Variants in CRISP1 observed in about 807,000 individuals in gnomAD.
The protein encoded by CRISP1 is cysteine-rich secretory protein 1.
CRISP1 carries 44 observed loss-of-function variants against 33.1 expected under a neutral mutation model. The observed-to-expected ratio is 1.33, with a 90% confidence interval of 1.05 to 1.71. CRISP1 has a LOEUF of 1.71. Among genes scored for constraint, CRISP1 ranks in the 40% most tolerant of loss-of-function variants. The pLI is 0.00. For missense variants in CRISP1, 390 were observed against 301.2 expected (o/e 1.29, Z -2.18); for synonymous variants, 103 against 98.7 (o/e 1.04, Z -0.26).
chr6:49,844,879 T>C (rs1472340234), intron 5 of CRISP1, among the ~76,000 whole-genome samples: 5 of 152,132 alleles, frequency 3.3e-5, no homozygotes, highest in Non-Finnish European at 2.9e-5. Flanking sequence ...TGGCGAGAAA[T>C]TTTACCTCTG....
intron 5 of CRISP1, among the ~76,000 whole-genome samples, chr6:49,843,695 A>G (rs2127470867): frequency 1.3e-5 from 2 of 152,326 alleles, no homozygotes; most frequent in East Asian, 3.9e-4. Flanking sequence ...ACAAATACCT[A>G]AAAATGTGGA....
chr6:49,845,477 T>C (rs746560135), intron 5 of CRISP1, among the ~76,000 whole-genome samples: 4 of 152,222 alleles, frequency 2.6e-5, no homozygotes, highest in Admixed American at 2.6e-4. Flanking sequence ...AGCAGATTAA[T>C]AGAGCAAAGA....
chr6:49,855,562 T>G (rs1480911923), intron 2 of CRISP1, among the ~76,000 whole-genome samples: 1 of 152,122 alleles, frequency 6.6e-6, no homozygotes, highest in Non-Finnish European at 1.5e-5. Flanking sequence ...TTCTTCAGAT[T>G]GCAGGTATAC....
intron 5 of CRISP1, among the ~76,000 whole-genome samples, chr6:49,845,640 A>C (rs558300881): frequency 6.6e-6 from 1 of 152,250 alleles, no homozygotes; most frequent in East Asian, 1.9e-4. Flanking sequence ...TGCCCAAAAC[A>C]ATTGAAAGCA....
At chr6:49,842,449 CTT>C (rs991105556) in intron 5 of CRISP1, among the ~76,000 whole-genome samples, 46 of 151,980 alleles carry the variant, frequency 3.0e-4, no homozygotes, top group African/African-American at 1.1e-3. Context: ...GAAAATGAAA[CTT>C]TTTTCATTAG....
Position 49,835,214 on chromosome 6 carries a change from G to C in CRISP1, c.*102C>G, listed in dbSNP as rs1770746590. 7.9e-7 allele frequency: 1 copy of C among 1,266,322 alleles called. No individual in the cohort carries two copies. The highest frequency in any genetic ancestry group is 1.1e-6 in the Non-Finnish European group (1 of 916,060). The allele number at this position is 1,266,322 out of a possible 1,614,324, so 78.4% of individuals were successfully genotyped here. A position where few individuals can be genotyped will look rare whatever the true frequency, so the allele number is the denominator to read the frequency against. The stretch of plus-strand genomic sequence containing the variant: ...AAGGTCTCCAGCATGATTAAAATCA[G>C]TGAAATTTAGCAGAAGCTACTGAAC... On this transcript the variant is annotated 3_prime_UTR_variant, in exon 8 of 8. Transcript: ENST00000335847.
intron 1 of CRISP1, among the ~76,000 whole-genome samples, chr6:49,860,813 A>T (rs905095675): frequency 2.6e-5 from 4 of 152,158 alleles, no homozygotes; most frequent in South Asian, 4.2e-4. Context: ...TACAAAGGAT[A>T]AAAAAATGTT....
At chr6:49,867,493 A>G (rs916935697), upstream of CRISP1, among the ~76,000 whole-genome samples, 1 of 152,086 alleles carries the variant, frequency 6.6e-6, no homozygotes, top group Non-Finnish European at 1.5e-5. Flanking sequence ...AATATCTAAA[A>G]GGAAAGAGTA....
rs766177676 is a variant in CRISP1, at chr6:49,852,117, T to C, written c.79A>G (p.Arg27Gly). The C allele has an allele frequency of 1.2e-6, 2 of 1,610,986 alleles. No individual in the cohort carries two copies. Among genetic ancestry groups the C allele is most frequent in the African/African-American group, 2.7e-5 (2 of 74,756 alleles). ...PMLSMKKKSARDQFNKLVTDL... is the reference protein window; with the variant it reads ...PMLSMKKKSAGDQFNKLVTDL... ...GTGACGAGCTTATTAAATTGGTCTC[T>C]AGCTGATTTCTTCTGTTACCAGAAA... Residue 27 changes from arginine to glycine, a missense_variant, in exon 3 of 8, where the codon AGA (arginine) becomes GGA (glycine). Coordinates refer to ENST00000335847, the MANE Select transcript of CRISP1 (RefSeq NM_001131.3).
intron 7 of CRISP1, among the ~76,000 whole-genome samples, chr6:49,837,873 T>C (rs1770852951): frequency 6.6e-6 from 1 of 151,640 alleles, no homozygotes; most frequent in South Asian, 2.1e-4. Context: ...GCTAAAGCTT[T>C]ACCTTAGGTA....
At position 49,835,268 on chromosome 6, in the gene CRISP1, A is replaced by G. The variant is rs1479861932; in HGVS notation, c.*48T>C. ...AGCAAAAGACATGAATCCAACAGAC[A>G]TCTCCTCCTCATCGTCACAGCATAG... On this transcript the variant is annotated 3_prime_UTR_variant, in exon 8 of 8. Coordinates refer to ENST00000335847, the MANE Select transcript of CRISP1 (RefSeq NM_001131.3). 1.3e-6 allele frequency: 2 copies of G among 1,591,898 alleles called. No homozygotes were observed. The highest frequency in any genetic ancestry group is 3.5e-5 in the Admixed American group (2 of 57,926).
intron 1 of CRISP1, among the ~76,000 whole-genome samples, chr6:49,865,911 G>A (rs747963201): frequency 1.3e-5 from 2 of 152,146 alleles, no homozygotes; most frequent in Non-Finnish European, 2.9e-5. Context: ...CCTTCATGCT[G>A]TCTTGGTTCT....
At chr6:49,849,347 G>A (rs1266387539) in intron 3 of CRISP1, among the ~76,000 whole-genome samples, 2 of 152,158 alleles carry the variant, frequency 1.3e-5, no homozygotes, top group Admixed American at 6.5e-5. Flanking sequence ...CCTGGTCAAG[G>A]AGACACAGCT....
intron 1 of CRISP1, among the ~76,000 whole-genome samples, chr6:49,872,205 G>C (rs1771940031): frequency 1.3e-5 from 2 of 152,136 alleles, no homozygotes; most frequent in South Asian, 4.1e-4. Context: ...CTTCTTTTGA[G>C]AAGTGTCTGT....
upstream of CRISP1, among the ~76,000 whole-genome samples, chr6:49,867,006 T>C (rs1433487157): frequency 6.6e-6 from 1 of 152,132 alleles, no homozygotes; most frequent in Admixed American, 6.6e-5. Context: ...AAAAGATAAG[T>C]AGTCCATTTT....
intron 6 of CRISP1, among the ~76,000 whole-genome samples, chr6:49,840,373 A>G (rs531003168): frequency 1.3e-5 from 2 of 152,166 alleles, no homozygotes; most frequent in Admixed American, 6.6e-5. Flanking sequence ...TGTATATTTA[A>G]TTTTTAAAGA....
chr6:49,846,516 T>C lies in CRISP1; in HGVS notation c.435+4A>G. 7 of 1,612,080 alleles carry C rather than the reference T, an allele frequency of 4.3e-6. No homozygotes were observed. Among genetic ancestry groups the C allele is most frequent in the Non-Finnish European group, 5.9e-6 (7 of 1,179,016 alleles). ...ATGTGTGTGTTTGCCAGCACACAGG[T>C]TACCTGAGTGTAGTGGTCAGTAGTT... On this transcript the variant is annotated splice_donor_region_variant and intron_variant, in intron 5 of 7. Transcript: ENST00000335847.
Position 49,852,007 on chromosome 6 carries a change from C to T in CRISP1, c.189G>A (p.Leu63=), listed in dbSNP as rs997555064. The T allele has an allele frequency of 6.2e-7, 1 of 1,607,284 alleles. No individual in the cohort carries two copies. Among genetic ancestry groups the T allele is most frequent in the African/African-American group, 1.3e-5 (1 of 74,596 alleles). ...TGCTATTTTTTGATCTTACCATCTTCAGCATGTTGCTGGCTGGTGGAACTA... is the reference window on the plus strand; with the variant it reads ...TGCTATTTTTTGATCTTACCATCTTTAGCATGTTGCTGGCTGGTGGAACTA... ...RRVVPPASNM[L]KMSWSEEAAQ... Residue 63 remains leucine (L), a synonymous_variant, in exon 3 of 8, where the codon CTG becomes CTA. Coordinates refer to ENST00000335847, the MANE Select transcript of CRISP1 (RefSeq NM_001131.3).
chr6:49,844,128 T>G (rs1434400753), intron 5 of CRISP1, among the ~76,000 whole-genome samples: 2 of 152,324 alleles, frequency 1.3e-5, no homozygotes, highest in East Asian at 3.9e-4. Context: ...CCATCTATAT[T>G]GCAGAAAATG....
Sources: gnomAD v4.1 joint callset for allele counts (sites outside exome capture counted in the v4.1 genomes callset) on GRCh38, gnomAD v4.1.1 for gene constraint, MANE v1.5 for transcripts, NCBI Gene and HGNC (gene_info 2026-07-23, HGNC 2026-07-21) for gene names.